Variants in SYT11 observed in about 807,000 individuals in gnomAD.
SYT11 encodes synaptotagmin 11.
In SYT11, 12 loss-of-function variants were observed where a neutral mutation model predicts 30.4. That is an observed-to-expected ratio of 0.39 (90% CI 0.25 to 0.64). SYT11 has a LOEUF of 0.64. Among genes scored for constraint, SYT11 ranks in the 30% least tolerant of loss-of-function variants. SYT11 has a pLI of 0.45. For synonymous variants in SYT11, 204 were observed against 216.0 expected (o/e 0.94, Z 0.49); for missense variants, 412 against 552.0 (o/e 0.75, Z 2.54).
chr1:155,871,780 T>C (rs961487359), intron 2 of SYT11, among the ~76,000 whole-genome samples: 4 of 152,156 alleles, frequency 2.6e-5, no homozygotes, highest in Non-Finnish European at 4.4e-5. Context: ...CCAGGCTTCC[T>C]AAACCCATTT....
intron 1 of SYT11, among the ~76,000 whole-genome samples, chr1:155,864,032 G>A (rs549383775): frequency 5.3e-4 from 80 of 152,118 alleles, no homozygotes; most frequent in Middle Eastern, 3.4e-3. Context: ...AGTAAGCTGC[G>A]ATCATGCATG....
rs1306241722 is a variant in SYT11 at position 155,868,492 on chromosome 1, G to A, written c.562G>A (p.Asp188Asn). 1.2e-6 allele frequency: 2 copies of A among 1,614,154 alleles called. No homozygotes were observed. Among genetic ancestry groups the A allele is most frequent in the Non-Finnish European group, 1.7e-6 (2 of 1,180,006 alleles). ...IQEAHGLPVM[D>N]DQTQGSDPYI... ...GGAGGCCCATGGGCTGCCAGTGATG[G>A]ATGACCAGACCCAGGGATCTGACCC... Residue 188 changes from aspartate (D) to asparagine (N), a missense_variant, in exon 2 of 4, where the codon GAT (aspartate) becomes AAT (asparagine). Coordinates refer to ENST00000368324, the MANE Select transcript of SYT11 (RefSeq NM_152280.5). This position sits in a 1 kb window ranked among gnomAD's most constrained non-coding sequence, Gnocchi z 4.7.
rs750356463 is a variant in SYT11, at chr1:155,881,523, C to T, written c.*15C>T. On this transcript the variant is annotated 3_prime_UTR_variant, in exon 4 of 4. Transcript: ENST00000368324. The stretch of plus-strand genomic sequence containing the variant: ...GCGAGTACTAATCCTGTTCTTCTCT[C>T]CTCTAATCCCCGGGGGCCAAGCTGG... 3 of 1,569,680 alleles carry T rather than the reference C, an allele frequency of 1.9e-6. No individual in the cohort carries two copies. The highest frequency in any genetic ancestry group is 1.7e-4 in the Middle Eastern group (1 of 5,786).
rs140734493 is a variant in SYT11, at chr1:155,868,058, A to G, written c.128A>G (p.Gln43Arg). The part of the protein sequence containing the change: ...TVFVWSCCHQ[Q>R]AEKKQKNPPY... ...TTTGTCTGGTCATGCTGCCACCAGC[A>G]GGCAGAGAAGAAGCAGAAGAACCCA... Residue 43 changes from glutamine (Q) to arginine (R), a missense_variant, in exon 2 of 4, where the codon CAG becomes CGG. Coordinates refer to ENST00000368324, the MANE Select transcript of SYT11 (RefSeq NM_152280.5). The surrounding 1 kb of genome is among the most constrained non-coding windows in gnomAD (Gnocchi z 4.7). 2.4e-4 allele frequency: 389 copies of G among 1,614,028 alleles called. 2 individuals carry two copies. The African/African-American group carries it at 4.5e-3, about 19-fold the overall frequency.
At chr1:155,869,263 CTTT>C (rs767071892) in intron 2 of SYT11, among the ~76,000 whole-genome samples, 2 of 83,880 alleles carry the variant, frequency 2.4e-5, no homozygotes, top group African/African-American at 5.2e-5. Flanking sequence ...ATGTACATGT[CTTT>C]TTTTTTTTTT....
Position 155,860,313 on chromosome 1 carries a change from T to G in SYT11, c.34+518T>G, listed in dbSNP as rs1571969603. Among the ~76,000 whole-genome samples the G allele has an allele frequency of 6.7e-6, 1 of 149,904 alleles. No individual in the cohort carries two copies. The highest frequency in any genetic ancestry group is 2.5e-5 in the African/African-American group (1 of 40,528). The stretch of plus-strand genomic sequence containing the variant: ...GCGGCGGCCTCTGGGGAAAGAGGGG[T>G]GCGGGGTGGGGAGCAAAAAGGAAGC... On this transcript the variant is annotated intron_variant, in intron 1 of 3. Coordinates refer to ENST00000368324, the MANE Select transcript of SYT11 (RefSeq NM_152280.5). The surrounding 1 kb of genome is among the most constrained non-coding windows in gnomAD (Gnocchi z 4.1).
chr1:155,869,505 C>A (rs1356366835), intron 2 of SYT11, among the ~76,000 whole-genome samples: 1 of 152,038 alleles, frequency 6.6e-6, no homozygotes, highest in Admixed American at 6.6e-5. Flanking sequence ...CTTCTATCCT[C>A]AGGTGATCCA....
chr1:155,869,620 T>C (rs1395270668), intron 2 of SYT11, among the ~76,000 whole-genome samples: 2 of 152,052 alleles, frequency 1.3e-5, no homozygotes, highest in African/African-American at 2.4e-5. Flanking sequence ...ATTCAATGAA[T>C]TGCTTCACCC....
rs1275816915 is a variant in SYT11 at position 155,880,402 on chromosome 1, C to G, written c.862-98C>G. 3.4e-6 allele frequency: 5 copies of G among 1,477,208 alleles called. No individual in the cohort carries two copies. The African/African-American group carries it at 4.2e-5, about 12-fold the overall frequency. 91.5% of individuals were successfully genotyped at this position (1,477,208 alleles called of 1,614,324 possible). A position where few individuals can be genotyped will look rare whatever the true frequency, so the allele number is the denominator to read the frequency against. On this transcript the variant is annotated intron_variant, in intron 2 of 3. Coordinates refer to ENST00000368324, the MANE Select transcript of SYT11 (RefSeq NM_152280.5). ...TTCCAAAAAACTTATCATCCCTGCA[C>G]TTGTCCTCCCCCAGACTCTTCCCAC...
At chr1:155,878,594 G>A (rs1348407884) in intron 2 of SYT11, among the ~76,000 whole-genome samples, 3 of 152,030 alleles carry the variant, frequency 2.0e-5, no homozygotes, top group Non-Finnish European at 4.4e-5. Flanking sequence ...GGCCGGGCGC[G>A]GTGGCTCACG....
At chr1:155,873,583 T>G (rs767031479) in intron 2 of SYT11, among the ~76,000 whole-genome samples, 1 of 152,186 alleles carries the variant, frequency 6.6e-6, no homozygotes, top group Non-Finnish European at 1.5e-5. Flanking sequence ...AACATTTTAT[T>G]ATTATTCATG....
chr1:155,875,874 A>G (rs1672851710), intron 2 of SYT11, among the ~76,000 whole-genome samples: 1 of 152,262 alleles, frequency 6.6e-6, no homozygotes, highest in Admixed American at 6.5e-5. Context: ...TTTTTTATTG[A>G]TGAGTTAATT....
At chr1:155,876,235 CTTTTTT>C (rs67952920) in intron 2 of SYT11, among the ~76,000 whole-genome samples, 3 of 96,132 alleles carry the variant, frequency 3.1e-5, no homozygotes, top group East Asian at 3.9e-4. Context: ...ACTCACCTCC[CTTTTTT>C]TTTTTTTTTT....
chr1:155,881,063 TA>T, intron 3 of SYT11, 134 bp from the exon 4 acceptor site: 1 of 978,400 alleles, frequency 1.0e-6, no homozygotes, highest in Non-Finnish European at 1.6e-6. Flanking sequence ...GTGCAATCAC[TA>T]AAGAACACAT....
chr1:155,879,159 G>A (rs1415604112), intron 2 of SYT11, among the ~76,000 whole-genome samples: 19 of 152,180 alleles, frequency 1.2e-4, no homozygotes, highest in Admixed American at 1.2e-3. Flanking sequence ...GCTCACGCTT[G>A]TAATCCCAGC....
In SYT11 at chr1:155,867,011, T is replaced by C. The variant is rs57875392; in HGVS notation, c.35-954T>C. ...ACACACATATATATATATACATACA[T>C]ACACACACCTATTTTTTTGCCTACA... On this transcript the variant is annotated intron_variant, in intron 1 of 3. Coordinates refer to ENST00000368324, the MANE Select transcript of SYT11 (RefSeq NM_152280.5). Among the ~76,000 whole-genome samples, 840 of 150,370 alleles carry C rather than the reference T, an allele frequency of 5.6e-3. 7 individuals carry two copies. The highest frequency in any genetic ancestry group is 0.019 in the African/African-American group (794 of 40,904).
At chr1:155,876,412 A>AT (rs1672862032) in intron 2 of SYT11, among the ~76,000 whole-genome samples, 2 of 151,328 alleles carry the variant, frequency 1.3e-5, no homozygotes, top group Admixed American at 6.6e-5. Context: ...CGCCCGGCTA[A>AT]TTTTTTTGTA....
At chr1:155,876,567 T>G (rs1313468519) in intron 2 of SYT11, among the ~76,000 whole-genome samples, 1 of 151,922 alleles carries the variant, frequency 6.6e-6, no homozygotes, top group African/African-American at 2.4e-5. Flanking sequence ...CCTTTTGTTT[T>G]CTTTATCCCA....
chr1:155,873,268 A>G (rs912814787), intron 2 of SYT11, among the ~76,000 whole-genome samples: 4 of 152,144 alleles, frequency 2.6e-5, no homozygotes, highest in Non-Finnish European at 5.9e-5. Context: ...TCTACTAAAA[A>G]TACAAAAATT....
Sources: allele counts gnomAD v4.1 joint callset (sites outside exome capture counted in the v4.1 genomes callset), GRCh38; gene constraint gnomAD v4.1.1; non-coding constraint Gnocchi (gnomAD v3.1); transcripts MANE v1.5; gene names NCBI Gene and HGNC (gene_info 2026-07-23, HGNC 2026-07-21).